Variants in ADCY1 observed in about 807,000 individuals in gnomAD.
ADCY1 encodes adenylate cyclase type 1.
In ADCY1, 28 loss-of-function variants were observed where a neutral mutation model predicts 105.4. The observed-to-expected ratio is 0.27, with a 90% CI of 0.20 to 0.36. ADCY1 has a LOEUF of 0.36. Among genes scored for constraint, ADCY1 ranks in the 10% least tolerant of loss-of-function variants. The pLI, the probability that ADCY1 is intolerant of heterozygous loss-of-function variation, is 1.00. For missense variants in ADCY1, 977 were observed against 1,434.2 expected (o/e 0.68, Z 5.15); for synonymous variants, 655 against 623.8 (o/e 1.05, Z -0.75).
chr7:45,599,296 G>A (rs1215613360), intron 2 of ADCY1, among the ~76,000 whole-genome samples: 5 of 151,954 alleles, frequency 3.3e-5, no homozygotes, highest in South Asian at 2.1e-4. Flanking sequence ...CCCCTCCTGC[G>A]TGGATGTCAC....
At chr7:45,653,617 G>A (rs1370522358) in intron 5 of ADCY1, among the ~76,000 whole-genome samples, 1 of 152,208 alleles carries the variant, frequency 6.6e-6, no homozygotes, top group Non-Finnish European at 1.5e-5. Flanking sequence ...TCTCCTGCTG[G>A]TGAAGTCAGA....
intron 8 of ADCY1, among the ~76,000 whole-genome samples, chr7:45,662,851 G>C (rs149482508): frequency 8.4e-4 from 128 of 152,288 alleles, no homozygotes; most frequent in African/African-American, 2.7e-3. Flanking sequence ...CTGTGGGCAG[G>C]GCGAGCCCGG....
intron 8 of ADCY1, among the ~76,000 whole-genome samples, chr7:45,676,269 G>T (rs1784454923): frequency 6.6e-6 from 1 of 151,912 alleles, no homozygotes; most frequent in South Asian, 2.1e-4. Context: ...ATTTGTTTCA[G>T]GTGTGTTCAT....
chr7:45,631,680 A>G (rs559717281), intron 4 of ADCY1, among the ~76,000 whole-genome samples: 1 of 152,388 alleles, frequency 6.6e-6, no homozygotes, highest in East Asian at 1.9e-4. Flanking sequence ...TAGTGTATTC[A>G]TAATTTTTGT....
In ADCY1 at chr7:45,592,926, G is replaced by A; in HGVS notation, c.789+18G>A. Reference sequence around the variant, plus strand: ...AGAAGCAGGTCAGTGGCTTGGGCCAGTCAGCCTAGAGGGGTTGGCTGTGGG... The same window carrying A: ...AGAAGCAGGTCAGTGGCTTGGGCCAATCAGCCTAGAGGGGTTGGCTGTGGG... On this transcript the variant is annotated intron_variant, in intron 2 of 19. Transcript: ENST00000297323. The A allele has an allele frequency of 6.2e-7, 1 of 1,614,084 alleles. No homozygotes were observed. The highest frequency in any genetic ancestry group is 8.5e-7 in the Non-Finnish European group (1 of 1,179,994).
At chr7:45,635,997 C>T (rs1241624972) in intron 4 of ADCY1, among the ~76,000 whole-genome samples, 2 of 151,972 alleles carry the variant, frequency 1.3e-5, no homozygotes, top group Non-Finnish European at 2.9e-5. Flanking sequence ...TATTCTTAAA[C>T]TGTTATTCAA....
intron 8 of ADCY1, among the ~76,000 whole-genome samples, chr7:45,676,467 T>C (rs1256151451): frequency 6.6e-6 from 1 of 152,182 alleles, no homozygotes; most frequent in African/African-American, 2.4e-5. Flanking sequence ...GTTGTGATAC[T>C]CTGGATCCTA....
At position 45,686,557 on chromosome 7, in the gene ADCY1, G is replaced by A. The variant is rs140746527; in HGVS notation, c.2338G>A (p.Val780Ile). ...SGYTRTGGGA[V>I]SGRSYEPIVA... The stretch of plus-strand genomic sequence containing the variant: ...CTCATCTTCCCCCAGGGGTGGTGCC[G>A]TCTCCGGGCGCAGCTACGAGCCGAT... Residue 780 changes from valine (V) to isoleucine (I), a missense_variant, in exon 14 of 20, where the codon GTC becomes ATC. Val to Ile is a conservative substitution (Grantham distance 29, BLOSUM62 3). Coordinates refer to ENST00000297323, the MANE Select transcript of ADCY1 (RefSeq NM_021116.4). The surrounding 1 kb of genome is among the most constrained non-coding windows in gnomAD (Gnocchi z 4.3). 365 of 1,611,104 alleles carry A rather than the reference G, an allele frequency of 2.3e-4. No homozygotes were observed. The highest frequency in any genetic ancestry group is 2.8e-4 in the Non-Finnish European group (334 of 1,178,106).
chr7:45,692,857 A>T (rs897783989), intron 14 of ADCY1, among the ~76,000 whole-genome samples: 10 of 152,178 alleles, frequency 6.6e-5, no homozygotes, highest in Non-Finnish European at 1.2e-4. Context: ...AAAAAAAAAT[A>T]CTAAGCTCAC....
intron 3 of ADCY1, among the ~76,000 whole-genome samples, chr7:45,614,320 G>A (rs185389463): frequency 5.3e-5 from 8 of 152,188 alleles, no homozygotes; most frequent in Admixed American, 3.3e-4. Flanking sequence ...GTTGTTATCA[G>A]CTCAAAATGG....
Position 45,686,425 on chromosome 7 carries a change from C to T in ADCY1, c.2328-122C>T. On this transcript the variant is annotated intron_variant, in intron 13 of 19. Transcript: ENST00000297323. This position sits in a 1 kb window ranked among gnomAD's most constrained non-coding sequence, Gnocchi z 4.3. ...AGTGATTCTTGGCCAAGGTCAATCC[C>T]AGCAAGCTGTTTTTGGGTGTCACCA... 2 of 1,465,902 alleles carry T rather than the reference C, an allele frequency of 1.4e-6. No individual in the cohort carries two copies. The highest frequency in any genetic ancestry group is 9.1e-7 in the Non-Finnish European group (1 of 1,096,428). The allele number at this position is 1,465,902 out of a possible 1,614,324, so 90.8% of individuals were successfully genotyped here. A position where few individuals can be genotyped will look rare whatever the true frequency, so the allele number is the denominator to read the frequency against.
chr7:45,657,614 C>T, intron 5 of ADCY1, 113 bp from the exon 6 acceptor site: 2 of 1,167,230 alleles, frequency 1.7e-6, no homozygotes, highest in Non-Finnish European at 2.4e-6. Context: ...CCACATGCAG[C>T]AAGGACAAGA....
intron 4 of ADCY1, among the ~76,000 whole-genome samples, chr7:45,642,142 G>T (rs181657356): frequency 1.3e-5 from 2 of 152,204 alleles, no homozygotes; most frequent in Admixed American, 1.3e-4. Context: ...GGGCCACACA[G>T]TGAGCACCCA....
intron 5 of ADCY1, 119 bp from the exon 6 acceptor site, chr7:45,657,608 A>G (rs1794977271): frequency 9.0e-7 from 1 of 1,107,176 alleles, no homozygotes; most frequent in African/African-American, 1.5e-5. Context: ...CTCAGGCCAC[A>G]TGCAGCAAGG....
Position 45,662,205 on chromosome 7 carries a change from C to T in ADCY1, c.1596C>T (p.Asp532=), listed in dbSNP as rs747623546. 108 of 1,612,672 alleles carry T rather than the reference C, an allele frequency of 6.7e-5. 1 individual carries two copies. The highest frequency in any genetic ancestry group is 4.7e-4 in the South Asian group (43 of 90,790). ...TCTCCAATGTCATGACCTGCGAGGACGATGACAAGGTAGGAGCAGCCAGGG... is the reference window on the plus strand; with the variant it reads ...TCTCCAATGTCATGACCTGCGAGGATGATGACAAGGTAGGAGCAGCCAGGG... ...IPFSNVMTCE[D]DDKRRALRTA... Residue 532 remains aspartate, a synonymous_variant, in exon 8 of 20, where the codon GAC becomes GAT. Transcript: ENST00000297323.
chr7:45,585,423 C>G (rs952066885), intron 1 of ADCY1, among the ~76,000 whole-genome samples: 1 of 150,754 alleles, frequency 6.6e-6, no homozygotes, highest in East Asian at 2.0e-4. Flanking sequence ...GGCAGGGTCC[C>G]ATTGGGTGGG....
intron 1 of ADCY1, among the ~76,000 whole-genome samples, chr7:45,577,526 G>A (rs1387877894): frequency 6.6e-6 from 1 of 152,220 alleles, no homozygotes; most frequent in Non-Finnish European, 1.5e-5. Context: ...TGATGTTTCT[G>A]CTGCTCTTCA....
chr7:45,648,518 G>A, intron 4 of ADCY1, 152 bp from the exon 5 acceptor site: 2 of 985,442 alleles, frequency 2.0e-6, no homozygotes, highest in Non-Finnish European at 3.0e-6. Flanking sequence ...GACCACGCAA[G>A]GGTGTGGCCT....
At chr7:45,659,574 C>T (rs531109764) in intron 6 of ADCY1, among the ~76,000 whole-genome samples, 147 of 152,300 alleles carry the variant, frequency 9.7e-4, no homozygotes, top group African/African-American at 3.3e-3. Context: ...CTTCCCACCC[C>T]ACCTCATGTG....
Sources: allele counts gnomAD v4.1 joint callset (sites outside exome capture counted in the v4.1 genomes callset), GRCh38; gene constraint gnomAD v4.1.1; non-coding constraint Gnocchi (gnomAD v3.1); transcripts MANE v1.5; gene names NCBI Gene and HGNC (gene_info 2026-07-23, HGNC 2026-07-21).